The following YME1L1 variants were observed in gnomAD, a reference collection of about 807,000 sequenced individuals.
YME1L1 encodes YME1 like 1 ATPase.
YME1L1 carries 39 observed loss-of-function variants against 90.4 expected under a neutral mutation model. The ratio of observed to expected loss-of-function variants is 0.43; its 90% confidence interval spans 0.33 to 0.56. YME1L1 has a LOEUF of 0.56. YME1L1 is among the 20% of genes least tolerant of loss of function. The pLI, the probability that YME1L1 is intolerant of heterozygous loss-of-function variation, is 0.03. For missense variants in YME1L1, 617 were observed against 868.4 expected (o/e 0.71, Z 3.64); for synonymous variants, 284 against 287.3 (o/e 0.99, Z 0.12).
chr10:27,113,092 C>T (rs540872213), intron 18 of YME1L1, among the ~76,000 whole-genome samples: 4 of 151,532 alleles, frequency 2.6e-5, no homozygotes, highest in Non-Finnish European at 5.9e-5. Context: ...TGGCAGCATG[C>T]GCTTATAGTC....
intron 14 of YME1L1, among the ~76,000 whole-genome samples, chr10:27,118,572 G>A (rs938064074): frequency 3.3e-5 from 5 of 152,198 alleles, no homozygotes; most frequent in African/African-American, 1.2e-4. Context: ...TTACAGGTGT[G>A]AGCCACCACG....
rs1278321917 is a variant in YME1L1, at chr10:27,111,925, G to A, written c.*52C>T. 1.9e-6 allele frequency: 3 copies of A among 1,596,562 alleles called. No homozygotes were observed. Among genetic ancestry groups the A allele is most frequent in the Admixed American group, 1.7e-5 (1 of 59,984 alleles). On this transcript the variant is annotated 3_prime_UTR_variant, in exon 19 of 19. Coordinates refer to ENST00000376016, the MANE Select transcript of YME1L1 (RefSeq NM_014263.4). ...CGTTGTAAAAGTAGACTACTGCAAT[G>A]CTACTTGTATTCTTGCAATAAAACC...
chr10:27,135,508 T>C (rs1412403529), intron 5 of YME1L1, among the ~76,000 whole-genome samples: 1 of 152,174 alleles, frequency 6.6e-6, no homozygotes, highest in Non-Finnish European at 1.5e-5. Flanking sequence ...CTCAGGAATA[T>C]GGAAAAGGCC....
rs2056762115 is a variant in YME1L1 at position 27,111,870 on chromosome 10, A to G, written c.*107T>C. The G allele has an allele frequency of 7.1e-7, 1 of 1,407,876 alleles. No individual in the cohort carries two copies. Among genetic ancestry groups the G allele is most frequent in the African/African-American group, 1.4e-5 (1 of 70,690 alleles). 87.2% of individuals were successfully genotyped at this position (1,407,876 alleles called of 1,614,324 possible). A position where few individuals can be genotyped will look rare whatever the true frequency, so the allele number is the denominator to read the frequency against. ...ATTGACAAAGCATTTCACACCCTTC[A>G]ATTACACCACATCAAGAATGAGGGG... On this transcript the variant is annotated 3_prime_UTR_variant, in exon 19 of 19. Coordinates refer to ENST00000376016, the MANE Select transcript of YME1L1 (RefSeq NM_014263.4).
chr10:27,133,936 A>G, intron 7 of YME1L1, 103 bp downstream of exon 7: 1 of 820,982 alleles, frequency 1.2e-6, no homozygotes, highest in South Asian at 1.9e-5. Context: ...CTAGTACTGT[A>G]AACATTAATA....
In YME1L1 at chr10:27,110,153, C is replaced by T. The variant is rs146649115; in HGVS notation, c.*1824G>A. On this transcript the variant is annotated 3_prime_UTR_variant, in exon 19 of 19. Coordinates refer to ENST00000376016, the MANE Select transcript of YME1L1 (RefSeq NM_014263.4). The stretch of plus-strand genomic sequence containing the variant: ...TTATCATATGTAAATTATACCTCAA[C>T]AAATATGTAAAAAAATTTAAGACAG... The T allele has an allele frequency of 1.6e-3, 242 of 152,148 alleles. 1 individual carries two copies. Among genetic ancestry groups the T allele is most frequent in the African/African-American group, 5.5e-3 (230 of 41,488 alleles). 9.4% of individuals were successfully genotyped at this position (152,148 alleles called of 1,614,324 possible).
chr10:27,153,507 T>C (rs984964994), intron 1 of YME1L1, among the ~76,000 whole-genome samples: 1 of 152,192 alleles, frequency 6.6e-6, no homozygotes, highest in Admixed American at 6.5e-5. Flanking sequence ...GAAGCAAGAA[T>C]AAAACATTGT....
At chr10:27,152,676 A>G (rs1588621800) in intron 1 of YME1L1, among the ~76,000 whole-genome samples, 1 of 152,234 alleles carries the variant, frequency 6.6e-6, no homozygotes, top group East Asian at 1.9e-4. Flanking sequence ...CTTGGTAAAT[A>G]GCACCTTCAA....
intron 1 of YME1L1, among the ~76,000 whole-genome samples, chr10:27,151,032 T>C (rs568459312): frequency 5.3e-5 from 8 of 151,120 alleles, no homozygotes; most frequent in African/African-American, 1.7e-4. Flanking sequence ...TTCGAGTGAT[T>C]CTCCTGCCTC....
At chr10:27,123,466 A>C in intron 10 of YME1L1, 81 bp downstream of exon 10, 2 of 1,468,144 alleles carry the variant, frequency 1.4e-6, no homozygotes, top group African/African-American at 2.9e-5. Flanking sequence ...GGAAGAAAAA[A>C]AGTAATTAGC....
intron 2 of YME1L1, chr10:27,147,488 C>T (rs1251545484): frequency 1.1e-5 from 17 of 1,613,930 alleles, no homozygotes; most frequent in Admixed American, 1.7e-5. Context: ...TGGAGAAACC[C>T]GCAGTGTACA....
At position 27,148,954 on chromosome 10, in the gene YME1L1, T is replaced by G. The variant is rs931017104; in HGVS notation, c.120A>C (p.Gln40His). The G allele has an allele frequency of 6.2e-7, 1 of 1,614,130 alleles. No homozygotes were observed. Among genetic ancestry groups the G allele is most frequent in the Non-Finnish European group, 8.5e-7 (1 of 1,180,012 alleles). The change falls in exon 2 of 19, where the codon CAA becomes CAC. Residue 40 changes from glutamine to histidine, a missense_variant. Physicochemically the swap from Gln to His is conservative, Grantham distance 24 (BLOSUM62 0). Coordinates refer to ENST00000376016, the MANE Select transcript of YME1L1 (RefSeq NM_014263.4). ...CAGGAACTACATCTCGATGCTGGTT[T>G]TGAGAAACTGACACTCCACTGAGAG... is the stretch of plus-strand genomic sequence containing the variant. ...SVSLSGVSVS[Q>H]NQHRDVVPEH...
intron 1 of YME1L1, among the ~76,000 whole-genome samples, 185 bp from the exon 2 acceptor site, chr10:27,149,225 A>G (rs1354398882): frequency 1.3e-5 from 2 of 152,162 alleles, no homozygotes; most frequent in Non-Finnish European, 2.9e-5. Flanking sequence ...TCAGGATATT[A>G]TTCTGAATAT....
rs1350548043 is a variant in YME1L1 at position 27,154,229 on chromosome 10, G to GACCTCACCC, written c.-28_-20dup. 1 of 1,580,860 alleles carries GACCTCACCC rather than the reference G, an allele frequency of 6.3e-7. No homozygotes were observed. The highest frequency in any genetic ancestry group is 8.6e-7 in the Non-Finnish European group (1 of 1,162,946). ...AAAACATCTCCGGCGGGCCCTCAGC[G>GACCTCACCC]ACCTCACCCGCCTGCCGAAACTGTG... On this transcript the variant is annotated 5_prime_UTR_variant, in exon 1 of 19. Coordinates refer to ENST00000376016, the MANE Select transcript of YME1L1 (RefSeq NM_014263.4).
intron 10 of YME1L1, among the ~76,000 whole-genome samples, 166 bp downstream of exon 10, chr10:27,123,381 A>G (rs2056885815): frequency 6.6e-6 from 1 of 152,214 alleles, no homozygotes; most frequent in African/African-American, 2.4e-5. Flanking sequence ...AGGTCCCACA[A>G]TGGCTATTTT....
At chr10:27,150,156 C>T (rs1264779827) in intron 1 of YME1L1, among the ~76,000 whole-genome samples, 2 of 151,702 alleles carry the variant, frequency 1.3e-5, no homozygotes, top group Admixed American at 6.6e-5. Flanking sequence ...GCTATCATGC[C>T]ACCACACTCC....
At chr10:27,117,759 T>C (rs910281568) in intron 14 of YME1L1, 32 bp from the exon 15 acceptor site, 4 of 1,606,826 alleles carry the variant, frequency 2.5e-6, no homozygotes, top group Non-Finnish European at 3.4e-6. Context: ...AAATACTCCA[T>C]TAGAAAGGTA....
In YME1L1 at chr10:27,147,349, AAAAC is replaced by A. The variant is rs567783629; in HGVS notation, c.168+1553_168+1556del. 645 of 1,433,150 alleles carry A rather than the reference AAAAC, an allele frequency of 4.5e-4. 2 individuals are homozygous for A. The Middle Eastern group carries it at 0.013, about 28-fold the overall frequency. The allele number at this position is 1,433,150 out of a possible 1,614,324, so 88.8% of individuals were successfully genotyped here. On this transcript the variant is annotated intron_variant, in intron 2 of 18. Transcript: ENST00000376016. ...TCTTTACAAAAAATTTAAAAATGATAAAACAAACAAACAAAGAAACTAGACTGGA... is the reference window on the plus strand; with the variant it reads ...TCTTTACAAAAAATTTAAAAATGATAAAACAAACAAAGAAACTAGACTGGA...
At chr10:27,124,127 T>C (rs2056894306) in intron 9 of YME1L1, among the ~76,000 whole-genome samples, 1 of 152,138 alleles carries the variant, frequency 6.6e-6, no homozygotes, top group Non-Finnish European at 1.5e-5. Flanking sequence ...TGAGAGTACA[T>C]GATATTAAGG....
Sources: allele counts gnomAD v4.1 joint callset (sites outside exome capture counted in the v4.1 genomes callset), GRCh38; gene constraint gnomAD v4.1.1; transcripts MANE v1.5; gene names NCBI Gene and HGNC (gene_info 2026-07-23, HGNC 2026-07-21).